NID1: variants seen among roughly 807,000 people sequenced by gnomAD.
The protein encoded by NID1 is nidogen-1.
A neutral mutation model predicts 130.6 loss-of-function variants in NID1; 76 were observed. The observed-to-expected ratio is 0.58, with a 90% CI of 0.48 to 0.70. The LOEUF (loss-of-function observed/expected upper bound fraction) is 0.70, where lower values mean the gene tolerates loss of function less well. Among genes scored for constraint, NID1 ranks in the 30% least tolerant of loss-of-function variants. NID1 has a pLI of 0.00. For synonymous variants in NID1, 665 were observed against 675.1 expected, an observed-to-expected ratio of 0.98 and a Z score of 0.23; for missense variants, 1,517 against 1,664.8, an observed-to-expected ratio of 0.91 and a Z score of 1.54.
intron 12 of NID1, among the ~76,000 whole-genome samples, chr1:236,010,907 A>G (rs2102815281): frequency 6.6e-6 from 1 of 152,362 alleles, no homozygotes; most frequent in Non-Finnish European, 1.5e-5. Flanking sequence ...GAGAGTGAAG[A>G]TAAACAAATA....
intron 10 of NID1, 116 bp downstream of exon 10, chr1:236,017,032 T>A: frequency 7.4e-7 from 1 of 1,354,340 alleles, no homozygotes; most frequent in Non-Finnish European, 1.0e-6. Context: ...TATAAATTGC[T>A]CTTCCCAGCA....
chr1:235,999,824 C>T (rs1170608863), intron 12 of NID1, among the ~76,000 whole-genome samples: 1 of 152,074 alleles, frequency 6.6e-6, no homozygotes. Flanking sequence ...CAGCCGAGGG[C>T]ATTCCAAAGT....
At chr1:236,013,178 C>G (rs113371788) in intron 11 of NID1, among the ~76,000 whole-genome samples, 3 of 152,138 alleles carry the variant, frequency 2.0e-5, no homozygotes, top group African/African-American at 7.2e-5. Flanking sequence ...CTAATTGTCA[C>G]CTGAATGAAC....
Position 236,058,174 on chromosome 1 carries a change from G to A in NID1, c.225+6681C>T, listed in dbSNP as rs139332651. Among the ~76,000 whole-genome samples, 262 of 152,256 alleles carry A rather than the reference G, an allele frequency of 1.7e-3. 1 individual carries two copies. Among genetic ancestry groups the A allele is most frequent in the African/African-American group, 6.1e-3 (254 of 41,548 alleles). On this transcript the variant is annotated intron_variant, in intron 1 of 19. Coordinates refer to ENST00000264187, the MANE Select transcript of NID1 (RefSeq NM_002508.3). ...AATTTGCATTAAGGAGTAAAAACTT[G>A]TTTACTGAAAAACAGCTATTTCCAG... is the stretch of plus-strand genomic sequence containing the variant.
Position 236,011,879 on chromosome 1 carries a change from C to T in NID1, c.2527+42G>A, listed in dbSNP as rs767247932. 2.5e-6 allele frequency: 4 copies of T among 1,609,248 alleles called. No homozygotes were observed. In the Admixed American group the frequency reaches 6.7e-5, roughly 27 times the overall value. On this transcript the variant is annotated intron_variant, in intron 12 of 19. Transcript: ENST00000264187. ...GGGCCATGTGCTCTGCATTCATGGA[C>T]AGGGCAATGGGCTACCGACTCCAGA... is the stretch of plus-strand genomic sequence containing the variant.
Position 236,050,351 on chromosome 1 carries a change from C to T in NID1, c.226-1362G>A, listed in dbSNP as rs180783684. Among the ~76,000 whole-genome samples, 119 of 151,692 alleles carry T rather than the reference C, an allele frequency of 7.8e-4. 1 individual carries two copies. The highest frequency in any genetic ancestry group is 2.6e-3 in the African/African-American group (109 of 41,350). On this transcript the variant is annotated intron_variant, in intron 1 of 19. Transcript: ENST00000264187. ...GGTGGATCACCTGAGGTCAGGAGTT[C>T]GAGACCAGCCTGACCAACATGGTGA... is the stretch of plus-strand genomic sequence containing the variant.
intron 9 of NID1, among the ~76,000 whole-genome samples, chr1:236,020,049 AAAAAAAAAACAAAAAC>A (rs1658714078): frequency 7.3e-6 from 1 of 136,806 alleles, no homozygotes; most frequent in African/African-American, 2.7e-5. Context: ...AAAAAAAAAA[AAAAAAAAAACAAAAAC>A]AAACTTCTTT....
intron 14 of NID1, among the ~76,000 whole-genome samples, chr1:235,990,194 A>G (rs1572579460): frequency 6.6e-6 from 1 of 152,222 alleles, no homozygotes; most frequent in Non-Finnish European, 1.5e-5. Flanking sequence ...AGTAAATAGA[A>G]AAAGAAGAAA....
chr1:236,026,601 G>A (rs1203293081), intron 7 of NID1, among the ~76,000 whole-genome samples: 2 of 152,114 alleles, frequency 1.3e-5, no homozygotes, highest in Non-Finnish European at 2.9e-5. Flanking sequence ...TAATGTATGT[G>A]CAATTTCTGG....
chr1:235,985,509 G>A lies in NID1; in HGVS notation c.2929-4C>T. 1 of 1,614,082 alleles carries A rather than the reference G, an allele frequency of 6.2e-7. No homozygotes were observed. Among genetic ancestry groups the A allele is most frequent in the Non-Finnish European group, 8.5e-7 (1 of 1,179,952 alleles). ...CCAGTCCAATGATGACTTTAGCCTG[G>A]ATGTGAAGACCAGTGGTTAGAATGG... is the stretch of plus-strand genomic sequence containing the variant. On this transcript the variant is annotated splice_polypyrimidine_tract_variant and splice_region_variant and intron_variant, in intron 14 of 19. Transcript: ENST00000264187.
intron 7 of NID1, among the ~76,000 whole-genome samples, chr1:236,027,099 A>G (rs931697755): frequency 2.0e-5 from 3 of 152,156 alleles, no homozygotes; most frequent in Non-Finnish European, 4.4e-5. Flanking sequence ...TACCAAAAAA[A>G]TGAGATATTA....
chr1:236,034,065 T>A (rs1270552435), intron 5 of NID1, among the ~76,000 whole-genome samples: 1 of 152,146 alleles, frequency 6.6e-6, no homozygotes, highest in African/African-American at 2.4e-5. Context: ...CAAATGTCCA[T>A]TAACTGATGA....
chr1:236,012,364 C>T (rs769909785), intron 11 of NID1, among the ~76,000 whole-genome samples: 34 of 152,074 alleles, frequency 2.2e-4, no homozygotes, highest in Non-Finnish European at 4.3e-4. Flanking sequence ...CAAGACCAGC[C>T]TGGCCAACAC....
chr1:236,006,451 T>A (rs1225431557), intron 12 of NID1, among the ~76,000 whole-genome samples: 1 of 152,062 alleles, frequency 6.6e-6, no homozygotes, highest in South Asian at 2.1e-4. Flanking sequence ...CTGCAGACAA[T>A]TTAGAGGACA....
At position 236,013,376 on chromosome 1, in the gene NID1, G is replaced by A. The variant is rs372915275; in HGVS notation, c.2404+35C>T. The A allele has an allele frequency of 1.8e-5, 29 of 1,611,398 alleles. No homozygotes were observed. In the African/African-American group the frequency reaches 3.2e-4, roughly 18 times the overall value. On this transcript the variant is annotated intron_variant, in intron 11 of 19. Transcript: ENST00000264187. ...GGTACCACCTAGGAAACTTTCTCAG[G>A]TTACACACAGGGGAAGATCAGAGCA...
At chr1:236,016,026 T>G (rs1181004244) in intron 10 of NID1, among the ~76,000 whole-genome samples, 2 of 152,290 alleles carry the variant, frequency 1.3e-5, no homozygotes, top group Admixed American at 6.5e-5. Context: ...AAGTATCCAC[T>G]GCCCAAGCTT....
chr1:236,012,578 A>AAAAAAAAAAAAAAAAAAAAAAG (rs1553343926), intron 11 of NID1, among the ~76,000 whole-genome samples: 1 of 99,542 alleles, frequency 1.0e-5, no homozygotes, highest in African/African-American at 4.4e-5. Context: ...AAAAAAAAAA[A>AAAAAAAAAAAAAAAAAAAAAAG]AAAGAAAGAA....
intron 16 of NID1, 26 bp from the exon 17 acceptor site, chr1:235,980,679 A>C: frequency 6.2e-7 from 1 of 1,607,718 alleles, no homozygotes; most frequent in Non-Finnish European, 8.5e-7. Flanking sequence ...GGGGGGAAAG[A>C]GGAAAAGAAA....
chr1:236,025,778 G>T, intron 8 of NID1, 118 bp downstream of exon 8: 1 of 1,345,402 alleles, frequency 7.4e-7, no homozygotes, highest in Admixed American at 2.2e-5. Flanking sequence ...CCTGCCAGAA[G>T]ATACTTTAGC....
Sources: allele counts gnomAD v4.1 joint callset (sites outside exome capture counted in the v4.1 genomes callset), GRCh38; gene constraint gnomAD v4.1.1; transcripts MANE v1.5; gene names NCBI Gene and HGNC (gene_info 2026-07-23, HGNC 2026-07-21).